Variants in GLT1D1 observed in about 807,000 individuals in gnomAD.
The protein encoded by GLT1D1 is glycosyltransferase 1 domain-containing protein 1.
A neutral mutation model predicts 28.7 loss-of-function variants in GLT1D1; 21 were observed. The ratio of observed to expected loss-of-function variants is 0.73; its 90% CI spans 0.52 to 1.05. GLT1D1 has a LOEUF of 1.05. Among genes scored for constraint, GLT1D1 ranks in the 50% least tolerant of loss-of-function variants. GLT1D1 has a pLI of 0.00. For synonymous variants in GLT1D1, 147 were observed against 124.8 expected (o/e 1.18, Z -1.19); for missense variants, 343 against 330.6 (o/e 1.04, Z -0.29).
At chr12:128,932,180 C>A (rs1010871025) in intron 4 of GLT1D1, among the ~76,000 whole-genome samples, 5 of 152,166 alleles carry the variant, frequency 3.3e-5, no homozygotes, top group African/African-American at 4.8e-5. Flanking sequence ...TTTAGCTCCT[C>A]CTTGATTTCC....
chr12:128,872,497 G>A (rs1287073602), intron 1 of GLT1D1, among the ~76,000 whole-genome samples: 1 of 152,264 alleles, frequency 6.6e-6, no homozygotes, highest in East Asian at 1.9e-4. Context: ...AGAAGGAAGC[G>A]TGATGTGCCA....
chr12:128,914,676 C>T (rs1359148382), intron 4 of GLT1D1, among the ~76,000 whole-genome samples: 3 of 151,880 alleles, frequency 2.0e-5, no homozygotes, highest in African/African-American at 4.8e-5. Flanking sequence ...AAAAATTAGC[C>T]GGGTGTGGCA....
chr12:128,952,437 G>GGT (rs1242501659), intron 6 of GLT1D1, among the ~76,000 whole-genome samples: 1 of 133,736 alleles, frequency 7.5e-6, no homozygotes, highest in African/African-American at 3.0e-5. Flanking sequence ...GTGGGGGTGG[G>GGT]GGGGGGTGGG....
intron 3 of GLT1D1, among the ~76,000 whole-genome samples, chr12:128,896,305 G>C (rs1050679725): frequency 6.6e-6 from 1 of 152,100 alleles, no homozygotes; most frequent in Non-Finnish European, 1.5e-5. Context: ...AGGAAGTCTT[G>C]AAAGATTGTA....
intron 2 of GLT1D1, 44 bp downstream of exon 2, chr12:128,876,106 A>G: frequency 1.9e-6 from 3 of 1,560,060 alleles, no homozygotes; most frequent in South Asian, 2.4e-5. Context: ...GAAATTCTGA[A>G]AACCGGAAGT....
chr12:128,883,118 G>A (rs147923122), intron 2 of GLT1D1, among the ~76,000 whole-genome samples: 4,720 of 150,706 alleles, frequency 0.031, 236 homozygotes, highest in African/African-American at 0.11. Flanking sequence ...GTGGAGACGG[G>A]TTTCATCATG....
intron 4 of GLT1D1, among the ~76,000 whole-genome samples, chr12:128,921,723 C>G (rs779114005): frequency 2.0e-5 from 3 of 151,978 alleles, no homozygotes; most frequent in Non-Finnish European, 2.9e-5. Flanking sequence ...GTCTTCAGAG[C>G]CTCGAGTTCT....
chr12:128,974,471 T>A (rs1879575362), intron 7 of GLT1D1, among the ~76,000 whole-genome samples: 1 of 152,148 alleles, frequency 6.6e-6, no homozygotes, highest in African/African-American at 2.4e-5. Context: ...TCTTGCACTG[T>A]TTTCCCTCCT....
intron 1 of GLT1D1, among the ~76,000 whole-genome samples, chr12:128,857,572 G>C (rs1041719633): frequency 6.6e-6 from 1 of 152,056 alleles, no homozygotes; most frequent in Admixed American, 6.6e-5. Flanking sequence ...CGGGGAGGGA[G>C]GTTCCCTTGG....
intron 4 of GLT1D1, among the ~76,000 whole-genome samples, chr12:128,901,715 G>A (rs867496150): frequency 5.3e-5 from 8 of 151,052 alleles, no homozygotes; most frequent in Non-Finnish European, 7.4e-5. Flanking sequence ...GATTACAGGC[G>A]TGAGCCACCA....
intron 1 of GLT1D1, among the ~76,000 whole-genome samples, chr12:128,864,354 G>T (rs715804): frequency 1.3e-5 from 2 of 151,654 alleles, no homozygotes; most frequent in Non-Finnish European, 2.9e-5. Context: ...AGAGGGCCCC[G>T]GAAATCCAGA....
At chr12:128,863,863 G>A (rs772632754) in intron 1 of GLT1D1, among the ~76,000 whole-genome samples, 29 of 150,084 alleles carry the variant, frequency 1.9e-4, no homozygotes, top group African/African-American at 6.1e-4. Flanking sequence ...GGAGAATGGC[G>A]TGAACCCGGG....
chr12:128,968,631 C>G (rs1012412025), intron 7 of GLT1D1, among the ~76,000 whole-genome samples: 25 of 152,060 alleles, frequency 1.6e-4, no homozygotes, highest in Non-Finnish European at 3.4e-4. Context: ...TCACTGCACT[C>G]CAGCCTGGGT....
At chr12:128,863,457 C>T (rs1473328383) in intron 1 of GLT1D1, among the ~76,000 whole-genome samples, 2 of 152,150 alleles carry the variant, frequency 1.3e-5, no homozygotes, top group Admixed American at 1.3e-4. Context: ...ACTGCAACCT[C>T]TGCCTCCTGG....
intron 2 of GLT1D1, among the ~76,000 whole-genome samples, chr12:128,881,918 C>T (rs1302194350): frequency 1.3e-5 from 2 of 151,904 alleles, no homozygotes; most frequent in African/African-American, 4.8e-5. Flanking sequence ...ATTTCCATTT[C>T]TCCCCTCAGT....
intron 3 of GLT1D1, among the ~76,000 whole-genome samples, chr12:128,894,005 C>G (rs1869359494): frequency 6.6e-6 from 1 of 152,138 alleles, no homozygotes; most frequent in Admixed American, 6.5e-5. Flanking sequence ...TCTTTTTTAT[C>G]TTATTTTCAC....
intron 2 of GLT1D1, among the ~76,000 whole-genome samples, chr12:128,881,511 G>A (rs11059994): frequency 9.4e-4 from 99 of 105,344 alleles, no homozygotes; most frequent in African/African-American, 3.4e-3. Flanking sequence ...TCCAGTCCGG[G>A]CAACAGAGTG....
chr12:128,962,716 T>A (rs913697803), intron 7 of GLT1D1, among the ~76,000 whole-genome samples: 7 of 152,188 alleles, frequency 4.6e-5, no homozygotes, highest in Non-Finnish European at 1.0e-4. Flanking sequence ...TCCTTTTTTT[T>A]CTTGAGATTG....
chr12:128,888,155 C>G (rs1475125442), intron 2 of GLT1D1, among the ~76,000 whole-genome samples: 1 of 152,184 alleles, frequency 6.6e-6, no homozygotes, highest in Non-Finnish European at 1.5e-5. Flanking sequence ...TTTATCACCC[C>G]TGCTGTACTG....
Sources: allele counts gnomAD v4.1 joint callset (sites outside exome capture counted in the v4.1 genomes callset), GRCh38; gene constraint gnomAD v4.1.1; transcripts MANE v1.5; gene names NCBI Gene and HGNC (gene_info 2026-07-23, HGNC 2026-07-21).